ZSWIM6: variants seen among roughly 807,000 people sequenced by gnomAD.
ZSWIM6 encodes the protein zinc finger SWIM-type containing 6, also known as zinc finger SWIM domain-containing protein 6.
ZSWIM6 carries 9 observed loss-of-function variants against 113.2 expected under a neutral mutation model. That is an observed-to-expected ratio of 0.08 (90% CI 0.05 to 0.14). The LOEUF (loss-of-function observed/expected upper bound fraction) is 0.14, where lower values mean the gene tolerates loss of function less well. Among genes scored for constraint, ZSWIM6 ranks in the 10% least tolerant of loss-of-function variants. The pLI, the probability that ZSWIM6 is intolerant of heterozygous loss-of-function variation, is 1.00. For missense variants in ZSWIM6, 1,162 were observed against 1,552.2 expected, an observed-to-expected ratio of 0.75 and a Z score of 4.22; for synonymous variants, 611 against 606.5, an observed-to-expected ratio of 1.01 and a Z score of -0.11.
At chr5:61,342,147 T>C (rs904543969) in intron 1 of ZSWIM6, among the ~76,000 whole-genome samples, 3 of 152,170 alleles carry the variant, frequency 2.0e-5, no homozygotes, top group Non-Finnish European at 4.4e-5. Context: ...CCTAAAATGC[T>C]AGGATTCAGA....
chr5:61,509,295 A>G (rs1340830220), intron 4 of ZSWIM6, among the ~76,000 whole-genome samples: 3 of 128,678 alleles, frequency 2.3e-5, no homozygotes, highest in South Asian at 2.6e-4. Flanking sequence ...TTTCCCCAAA[A>G]TAAGTTCTGA....
rs564257275 is a variant in ZSWIM6, at chr5:61,526,350, A to G, written c.1791A>G (p.Arg597=). The change falls in exon 7 of 14, where the codon AGA becomes AGG. Residue 597 remains arginine (R), a synonymous_variant. Coordinates refer to ENST00000252744, the MANE Select transcript of ZSWIM6 (RefSeq NM_020928.2). ...CAATAGCTATTGTTAATACATTAAG[A>G]CGACAGCAGCAGAAACAGTTGGAAA... ...RLAIAIVNTL[R]RQQQKQLEMF... The G allele has an allele frequency of 1.2e-5, 18 of 1,552,216 alleles. No homozygotes were observed. The Admixed American group carries it at 1.6e-4, about 14-fold the overall frequency.
chr5:61,363,440 T>A (rs563046238), intron 1 of ZSWIM6, among the ~76,000 whole-genome samples: 1 of 152,334 alleles, frequency 6.6e-6, no homozygotes, highest in Non-Finnish European at 1.5e-5. Context: ...CCTTGCACAC[T>A]TCTGCTGAGT....
chr5:61,334,676 C>T (rs374021822), intron 1 of ZSWIM6, among the ~76,000 whole-genome samples: 1 of 152,186 alleles, frequency 6.6e-6, no homozygotes, highest in African/African-American at 2.4e-5. Context: ...GTTGGGCACT[C>T]TTTCCTTCTG....
chr5:61,514,783 G>T (rs10939905), intron 4 of ZSWIM6, among the ~76,000 whole-genome samples: 58,130 of 151,858 alleles, frequency 0.38, 11,293 homozygotes, highest in African/African-American at 0.44. Context: ...ATATTTTTGT[G>T]GAGGCATTTT....
intron 1 of ZSWIM6, among the ~76,000 whole-genome samples, chr5:61,403,837 T>C (rs1745987862): frequency 6.6e-6 from 1 of 152,124 alleles, no homozygotes; most frequent in South Asian, 2.1e-4. Flanking sequence ...TCTTGATAAT[T>C]AAGTGATGTT....
intron 7 of ZSWIM6, among the ~76,000 whole-genome samples, chr5:61,526,621 T>A (rs1749291482): frequency 6.6e-6 from 1 of 152,158 alleles, no homozygotes; most frequent in African/African-American, 2.4e-5. Context: ...GGTTAGTTAC[T>A]TTTTTAAGGG....
chr5:61,494,022 A>G (rs980245481), intron 3 of ZSWIM6, among the ~76,000 whole-genome samples: 4 of 152,044 alleles, frequency 2.6e-5, no homozygotes, highest in Non-Finnish European at 4.4e-5. Context: ...CATTTCTTTG[A>G]TTAAATTGCT....
At chr5:61,452,264 T>A (rs757321452) in intron 1 of ZSWIM6, among the ~76,000 whole-genome samples, 2 of 152,228 alleles carry the variant, frequency 1.3e-5, no homozygotes, top group Non-Finnish European at 2.9e-5. Flanking sequence ...GTGTTTATAG[T>A]TCATTCCTAT....
At chr5:61,368,906 T>TA (rs1745211567) in intron 1 of ZSWIM6, among the ~76,000 whole-genome samples, 1 of 152,184 alleles carries the variant, frequency 6.6e-6, no homozygotes, top group Non-Finnish European at 1.5e-5. Context: ...GCTTACCACT[T>TA]ACCACACCTA....
chr5:61,350,171 C>T (rs1744750646), intron 1 of ZSWIM6, among the ~76,000 whole-genome samples: 1 of 152,190 alleles, frequency 6.6e-6, no homozygotes. Flanking sequence ...CCACCTGTTC[C>T]CATTTGTCCA....
At chr5:61,529,746 A>C (rs933368138) in intron 7 of ZSWIM6, among the ~76,000 whole-genome samples, 1 of 152,208 alleles carries the variant, frequency 6.6e-6, no homozygotes, top group Non-Finnish European at 1.5e-5. Context: ...ATAATTTAAT[A>C]GTGTAAGTAG....
At chr5:61,474,612 TAG>T in intron 2 of ZSWIM6, among the ~76,000 whole-genome samples, 1 of 152,206 alleles carries the variant, frequency 6.6e-6, no homozygotes, top group Non-Finnish European at 1.5e-5. Context: ...CGTCACAACA[TAG>T]CTCAAAACAC....
At chr5:61,471,229 T>C (rs2112182231) in intron 1 of ZSWIM6, among the ~76,000 whole-genome samples, 1 of 152,222 alleles carries the variant, frequency 6.6e-6, no homozygotes, top group South Asian at 2.1e-4. Context: ...TCAGTCTGAG[T>C]CGTGGAGGTT....
rs562417469 is a variant in ZSWIM6 at position 61,341,414 on chromosome 5, T to C, written c.676+8466T>C. 6.6e-4 allele frequency among the ~76,000 whole-genome samples: 100 copies of C among 152,296 alleles called. 2 individuals are homozygous for C. Among genetic ancestry groups the C allele is most frequent in the African/African-American group, 2.4e-3 (99 of 41,562 alleles). On this transcript the variant is annotated intron_variant, in intron 1 of 13. Coordinates refer to ENST00000252744, the MANE Select transcript of ZSWIM6 (RefSeq NM_020928.2). Reference sequence around the variant, plus strand: ...TCATTTCAATGTTTAATATTAGAAGTGTTGTGGTCTTTATTTAGAAGTTTG... The same window carrying C: ...TCATTTCAATGTTTAATATTAGAAGCGTTGTGGTCTTTATTTAGAAGTTTG...
intron 1 of ZSWIM6, among the ~76,000 whole-genome samples, chr5:61,372,407 G>T (rs1157984112): frequency 6.6e-6 from 1 of 151,958 alleles, no homozygotes; most frequent in East Asian, 1.9e-4. Context: ...TGCTAAAGAT[G>T]CCAGTGTTGC....
At chr5:61,505,780 G>A (rs1374498972) in intron 4 of ZSWIM6, among the ~76,000 whole-genome samples, 6 of 139,132 alleles carry the variant, frequency 4.3e-5, no homozygotes, top group Non-Finnish European at 7.7e-5. Flanking sequence ...AGACAGTCTC[G>A]CTCTGTCACC....
At chr5:61,483,780 G>C (rs2112202906) in intron 2 of ZSWIM6, among the ~76,000 whole-genome samples, 1 of 151,570 alleles carries the variant, frequency 6.6e-6, no homozygotes, top group East Asian at 1.9e-4. Context: ...GGGAGGCTGA[G>C]GCAGGAGAAT....
intron 1 of ZSWIM6, among the ~76,000 whole-genome samples, chr5:61,356,749 AT>A (rs1744921368): frequency 7.2e-6 from 1 of 139,574 alleles, no homozygotes; most frequent in South Asian, 2.1e-4. Context: ...TTATATATAT[AT>A]ATTATATATA....
Sources: gnomAD v4.1 joint callset for allele counts (sites outside exome capture counted in the v4.1 genomes callset) on GRCh38, gnomAD v4.1.1 for gene constraint, MANE v1.5 for transcripts, NCBI Gene and HGNC (gene_info 2026-07-23, HGNC 2026-07-21) for gene names.